TBC1D22A: variants seen among roughly 807,000 people sequenced by gnomAD.
The protein encoded by TBC1D22A is TBC1 domain family member 22A, also known as putative GTPase activator.
In TBC1D22A, 38 loss-of-function variants were observed where a neutral mutation model predicts 60.2. The observed-to-expected ratio is 0.63, with a 90% CI of 0.49 to 0.83. The LOEUF (loss-of-function observed/expected upper bound fraction) is 0.83, where lower values mean the gene tolerates loss of function less well. Among genes scored for constraint, TBC1D22A ranks in the 40% least tolerant of loss-of-function variants. The pLI is 0.00. For synonymous variants in TBC1D22A, 302 were observed against 281.7 expected, an observed-to-expected ratio of 1.07 and a Z score of -0.72; for missense variants, 628 against 701.0, an observed-to-expected ratio of 0.90 and a Z score of 1.18.
At chr22:46,905,246 A>AT (rs149339657) in intron 7 of TBC1D22A, among the ~76,000 whole-genome samples, 6,553 of 152,314 alleles carry the variant, frequency 0.043, 407 homozygotes, top group African/African-American at 0.12. Context: ...ATATGAAGTG[A>AT]TTCAAGACAA....
chr22:46,797,092 T>G (rs2084687138), intron 3 of TBC1D22A, among the ~76,000 whole-genome samples: 1 of 152,196 alleles, frequency 6.6e-6, no homozygotes, highest in Non-Finnish European at 1.5e-5. Flanking sequence ...GGCACCGTCC[T>G]ACACAGACCC....
intron 5 of TBC1D22A, among the ~76,000 whole-genome samples, chr22:46,890,899 G>C (rs938005260): frequency 4.6e-5 from 7 of 152,210 alleles, no homozygotes; most frequent in Non-Finnish European, 1.0e-4. Flanking sequence ...ATCCTGTCTG[G>C]TATATGAGGC....
intron 12 of TBC1D22A, among the ~76,000 whole-genome samples, chr22:47,128,601 A>T (rs2066575089): frequency 6.6e-6 from 1 of 151,830 alleles, no homozygotes. Context: ...GGCTGCAGAA[A>T]ATCGATTTTC....
At chr22:47,004,182 CTA>C (rs137915365) in intron 10 of TBC1D22A, among the ~76,000 whole-genome samples, 8 of 150,524 alleles carry the variant, frequency 5.3e-5, no homozygotes, top group African/African-American at 1.7e-4. Flanking sequence ...GCACACATGC[CTA>C]TATATATACT....
intron 10 of TBC1D22A, 139 bp downstream of exon 10, chr22:46,997,848 A>T (rs569894879): frequency 1.5e-6 from 1 of 677,288 alleles, no homozygotes; most frequent in Non-Finnish European, 2.6e-6. Context: ...CTTCTGAGAC[A>T]GCTGCTGGTG....
intron 8 of TBC1D22A, among the ~76,000 whole-genome samples, chr22:46,949,222 C>T (rs1337325440): frequency 6.6e-6 from 1 of 152,208 alleles, no homozygotes; most frequent in Non-Finnish European, 1.5e-5. Context: ...TCAAGGTCCA[C>T]CCGAATACCT....
intron 7 of TBC1D22A, among the ~76,000 whole-genome samples, chr22:46,908,366 T>C (rs2069643775): frequency 6.6e-6 from 1 of 152,186 alleles, no homozygotes; most frequent in African/African-American, 2.4e-5. Context: ...TAAAAGCCTG[T>C]GCCTTTAGCG....
intron 4 of TBC1D22A, among the ~76,000 whole-genome samples, chr22:46,811,940 C>T (rs1328509258): frequency 6.6e-6 from 1 of 152,112 alleles, no homozygotes; most frequent in Non-Finnish European, 1.5e-5. Flanking sequence ...CACCCTCAGA[C>T]CGTCCAGCTA....
chr22:46,899,441 C>T (rs1026130758), intron 7 of TBC1D22A, among the ~76,000 whole-genome samples: 5 of 145,108 alleles, frequency 3.4e-5, no homozygotes, highest in East Asian at 2.0e-4. Flanking sequence ...AGCAATACTT[C>T]GTCTCAAAAA....
chr22:46,978,302 T>C (rs1569298079), intron 9 of TBC1D22A, among the ~76,000 whole-genome samples: 1 of 152,256 alleles, frequency 6.6e-6, no homozygotes, highest in Non-Finnish European at 1.5e-5. Context: ...AACTGCCATG[T>C]TGGAAATTCA....
intron 4 of TBC1D22A, among the ~76,000 whole-genome samples, chr22:46,826,734 C>T (rs906116784): frequency 6.6e-6 from 1 of 152,100 alleles, no homozygotes; most frequent in Non-Finnish European, 1.5e-5. Context: ...AGTGTTGTAC[C>T]CATTTTAGAG....
chr22:46,818,557 G>A (rs1601997630), intron 4 of TBC1D22A, among the ~76,000 whole-genome samples: 1 of 152,258 alleles, frequency 6.6e-6, no homozygotes, highest in East Asian at 1.9e-4. Context: ...TCAGATAGAT[G>A]GCTGTAAGTA....
intron 7 of TBC1D22A, among the ~76,000 whole-genome samples, chr22:46,910,894 C>T (rs1341363180): frequency 6.7e-6 from 1 of 150,134 alleles, no homozygotes; most frequent in Admixed American, 6.6e-5. Context: ...GGTAGGAGTA[C>T]GGGCTGATGA....
intron 3 of TBC1D22A, among the ~76,000 whole-genome samples, chr22:46,794,556 C>G (rs914605708): frequency 1.3e-5 from 2 of 152,206 alleles, no homozygotes; most frequent in Non-Finnish European, 2.9e-5. Context: ...GTACTGTTTT[C>G]AGAGCTTGGG....
chr22:47,130,204 C>T (rs1446926738), intron 12 of TBC1D22A, among the ~76,000 whole-genome samples: 1 of 152,226 alleles, frequency 6.6e-6, no homozygotes, highest in Non-Finnish European at 1.5e-5. Context: ...CCTCCCTCCC[C>T]ACCAGACAGG....
At chr22:46,841,047 G>T (rs7290059) in intron 4 of TBC1D22A, among the ~76,000 whole-genome samples, 11,457 of 147,094 alleles carry the variant, frequency 0.078, 508 homozygotes, top group Middle Eastern at 0.098. Flanking sequence ...AATGAAAATG[G>T]GTGTGTGTGT....
chr22:46,912,141 A>G lies in TBC1D22A; in HGVS notation c.968A>G (p.Asn323Ser). The stretch of plus-strand genomic sequence containing the variant: ...GCCAGTGGATACGTTCAGGGTATAA[A>G]TGATCTCGTCACTCCTTTCTTTGTG... Reference protein sequence around the residue: ...HPASGYVQGINDLVTPFFVVF... With the variant: ...HPASGYVQGISDLVTPFFVVF... Residue 323 changes from asparagine (N) to serine (S), a missense_variant, in exon 8 of 13, where the codon AAT becomes AGT. Asn to Ser is a conservative substitution (Grantham distance 46). Transcript: ENST00000337137. 5 of 1,614,130 alleles carry G rather than the reference A, an allele frequency of 3.1e-6. No homozygotes were observed. The highest frequency in any genetic ancestry group is 4.2e-6 in the Non-Finnish European group (5 of 1,180,010).
intron 12 of TBC1D22A, among the ~76,000 whole-genome samples, chr22:47,125,372 G>A (rs2066417644): frequency 6.6e-6 from 1 of 152,216 alleles, no homozygotes; most frequent in Non-Finnish European, 1.5e-5. Context: ...GGAGCAGGGA[G>A]GCCTGACACA....
chr22:47,080,994 C>T (rs2064442095), intron 11 of TBC1D22A, among the ~76,000 whole-genome samples: 1 of 152,198 alleles, frequency 6.6e-6, no homozygotes, highest in South Asian at 2.1e-4. Flanking sequence ...ATGGCGCATG[C>T]CTGTAATCCC....
Sources: gnomAD v4.1 joint callset for allele counts (sites outside exome capture counted in the v4.1 genomes callset) on GRCh38, gnomAD v4.1.1 for gene constraint, MANE v1.5 for transcripts, NCBI Gene and HGNC (gene_info 2026-07-23, HGNC 2026-07-21) for gene names.